CABCOCO1: variants seen among roughly 807,000 people sequenced by gnomAD.
CABCOCO1 encodes ciliary-associated calcium-binding coiled-coil protein 1.
Under a neutral mutation model 35.7 loss-of-function variants are expected in CABCOCO1, and 28 were observed. The ratio of observed to expected loss-of-function variants is 0.78; its 90% CI spans 0.58 to 1.07. CABCOCO1 has a LOEUF of 1.07. CABCOCO1 is among the 50% of genes least tolerant of loss of function. The pLI, the probability that CABCOCO1 is intolerant of heterozygous loss-of-function variation, is 0.00. For missense variants in CABCOCO1, 326 were observed against 309.2 expected (o/e 1.05, Z -0.41); for synonymous variants, 95 against 100.1 (o/e 0.95, Z 0.30).
At chr10:61,716,962 G>A (rs189323493) in intron 5 of CABCOCO1, among the ~76,000 whole-genome samples, 2 of 151,990 alleles carry the variant, frequency 1.3e-5, no homozygotes, top group African/African-American at 4.8e-5. Flanking sequence ...AATAATAGTT[G>A]TGTGTATTTT....
chr10:61,680,644 AATATATATTATGTTAT>A (rs1564532578), intron 2 of CABCOCO1, among the ~76,000 whole-genome samples: 18 of 92,122 alleles, frequency 2.0e-4, no homozygotes, highest in East Asian at 7.1e-4. Context: ...ATACATATAT[AATATATATTATGTTAT>A]ACATGTATAA....
chr10:61,719,375 A>G (rs1303949384), intron 5 of CABCOCO1, among the ~76,000 whole-genome samples: 1 of 152,170 alleles, frequency 6.6e-6, no homozygotes, highest in African/African-American at 2.4e-5. Flanking sequence ...TATTGAGAGT[A>G]CACACTGAGT....
At chr10:61,735,556 A>G (rs4948475) in intron 5 of CABCOCO1, among the ~76,000 whole-genome samples, 139,410 of 152,120 alleles carry the variant, frequency 0.92, 63,931 homozygotes, top group Middle Eastern at 0.95. Flanking sequence ...TTGCCTTCAA[A>G]GAGTTCACCT....
At position 61,662,995 on chromosome 10, in the gene CABCOCO1, G is replaced by GT. The variant is rs1398797989; in HGVS notation, c.23_24insT (p.Trp8CysfsTer17). The GT allele has an allele frequency of 1.9e-5, 2 of 103,826 alleles. No homozygotes were observed. The highest frequency in any genetic ancestry group is 3.6e-5 in the Non-Finnish European group (2 of 54,932). 6.4% of individuals were successfully genotyped at this position (103,826 alleles called of 1,614,324 possible). A position where few individuals can be genotyped will look rare whatever the true frequency, so the allele number is the denominator to read the frequency against. On this transcript the variant is annotated frameshift_variant, in exon 1 of 8. Coordinates refer to ENST00000648843, the MANE Select transcript of CABCOCO1 (RefSeq NM_001366906.2). LOFTEE classifies it high-confidence loss of function. Reference sequence around the variant, plus strand: ...GCGATGTCGCAGGGGACGACTCCCTGGGGGCCGACCCCGGCGGGAACCACG... The same window carrying GT: ...GCGATGTCGCAGGGGACGACTCCCTGTGGGGCCGACCCCGGCGGGAACCACG...
At chr10:61,696,880 A>G (rs572406638) in intron 5 of CABCOCO1, among the ~76,000 whole-genome samples, 4 of 152,264 alleles carry the variant, frequency 2.6e-5, no homozygotes, top group African/African-American at 9.6e-5. Context: ...AAACATGGGC[A>G]AAGAATATGA....
intron 5 of CABCOCO1, among the ~76,000 whole-genome samples, chr10:61,719,000 C>G (rs1209862695): frequency 6.6e-6 from 1 of 152,098 alleles, no homozygotes; most frequent in East Asian, 1.9e-4. Flanking sequence ...TATAAACATG[C>G]TTTGAAAACA....
intron 5 of CABCOCO1, among the ~76,000 whole-genome samples, chr10:61,735,465 T>C (rs1276694106): frequency 6.6e-6 from 1 of 152,084 alleles, no homozygotes; most frequent in Non-Finnish European, 1.5e-5. Flanking sequence ...TACAGTCTGG[T>C]ACCAATATAG....
chr10:61,717,556 A>G (rs1840897554), intron 5 of CABCOCO1, among the ~76,000 whole-genome samples: 1 of 152,174 alleles, frequency 6.6e-6, no homozygotes. Context: ...TTTAACAACC[A>G]AAAAGTATTG....
chr10:61,673,328 C>A (rs1000733218), intron 2 of CABCOCO1, among the ~76,000 whole-genome samples: 1 of 152,116 alleles, frequency 6.6e-6, no homozygotes, highest in Non-Finnish European at 1.5e-5. Context: ...GAATTTTTGT[C>A]AGATACATCC....
In CABCOCO1 at chr10:61,669,652, A is replaced by G. The variant is rs1839298895; in HGVS notation, c.61-2980A>G. Among the ~76,000 whole-genome samples, 4 of 152,102 alleles carry G rather than the reference A, an allele frequency of 2.6e-5. No homozygotes were observed. The South Asian group carries it at 8.3e-4, about 31-fold the overall frequency. On this transcript the variant is annotated intron_variant, in intron 1 of 7. Transcript: ENST00000648843. ...AAAAAATCCAGAGGCAAACTCCCCT[A>G]AAAGATGATTATATTAAGCCTGCAA...
chr10:61,753,986 T>G (rs1682266998), intron 5 of CABCOCO1, among the ~76,000 whole-genome samples: 1 of 152,148 alleles, frequency 6.6e-6, no homozygotes, highest in African/African-American at 2.4e-5. Flanking sequence ...ATCCTCAATA[T>G]GGCTATTCTA....
At chr10:61,668,872 A>G (rs918527054) in intron 1 of CABCOCO1, among the ~76,000 whole-genome samples, 1 of 151,924 alleles carries the variant, frequency 6.6e-6, no homozygotes, top group African/African-American at 2.4e-5. Context: ...TAAAAAAATC[A>G]AACCTAAAGC....
At position 61,681,232 on chromosome 10, in the gene CABCOCO1, G is replaced by A. The variant is rs747474085; in HGVS notation, c.254G>A (p.Trp85Ter). The A allele has an allele frequency of 6.4e-7, 1 of 1,564,436 alleles. No homozygotes were observed. Among genetic ancestry groups the A allele is most frequent in the East Asian group, 2.3e-5 (1 of 43,320 alleles). ...LLDYYVSGFL[W>*]ARGMDFSIIQ... Reference sequence around the variant, plus strand: ...GATTATTATGTATCTGGATTTTTGTGGGCTAGAGGAATGGATTTCTCTATT... The same window carrying A: ...GATTATTATGTATCTGGATTTTTGTAGGCTAGAGGAATGGATTTCTCTATT... The change falls in exon 3 of 8, where the codon TGG becomes TAG. Residue 85 changes from tryptophan to a stop codon, truncating the protein, a stop_gained. Coordinates refer to ENST00000648843, the MANE Select transcript of CABCOCO1 (RefSeq NM_001366906.2). LOFTEE classifies it high-confidence loss of function.
intron 5 of CABCOCO1, chr10:61,701,699 A>T (rs1446136522): frequency 1.0e-6 from 1 of 984,710 alleles, no homozygotes; most frequent in Non-Finnish European, 1.2e-6. Flanking sequence ...GGGTGTCCAG[A>T]TATGCATGCC....
At chr10:61,680,699 T>G in intron 2 of CABCOCO1, among the ~76,000 whole-genome samples, 1 of 120,454 alleles carries the variant, frequency 8.3e-6, no homozygotes, top group African/African-American at 3.0e-5. Flanking sequence ...ATAACATATA[T>G]ATGTTATACA....
intron 5 of CABCOCO1, among the ~76,000 whole-genome samples, chr10:61,754,892 A>G (rs1407717702): frequency 6.6e-6 from 1 of 152,144 alleles, no homozygotes; most frequent in Non-Finnish European, 1.5e-5. Flanking sequence ...AGAACTTGCT[A>G]TTAGATGTCT....
chr10:61,670,729 AT>A (rs995498532), intron 1 of CABCOCO1, among the ~76,000 whole-genome samples: 1 of 151,984 alleles, frequency 6.6e-6, no homozygotes, highest in African/African-American at 2.4e-5. Context: ...AAGTCTCATA[AT>A]TTTTTATTTT....
chr10:61,680,065 C>T (rs1839662312), intron 2 of CABCOCO1, among the ~76,000 whole-genome samples: 1 of 151,844 alleles, frequency 6.6e-6, no homozygotes, highest in South Asian at 2.1e-4. Context: ...AATCCCAGCA[C>T]TTTGAGAGGC....
chr10:61,702,071 G>A (rs1337833660), intron 5 of CABCOCO1, among the ~76,000 whole-genome samples: 1 of 152,172 alleles, frequency 6.6e-6, no homozygotes, highest in African/African-American at 2.4e-5. Context: ...CTCAGCACAG[G>A]TCCTGGCAGA....
Sources: gnomAD v4.1 joint callset for allele counts (sites outside exome capture counted in the v4.1 genomes callset) on GRCh38, gnomAD v4.1.1 for gene constraint, MANE v1.5 for transcripts, NCBI Gene and HGNC (gene_info 2026-07-23, HGNC 2026-07-21) for gene names.